Variants in SIL1 observed in about 807,000 individuals in gnomAD.
SIL1 encodes SIL1 nucleotide exchange factor.
SIL1 carries 40 observed loss-of-function variants against 49.1 expected under a neutral mutation model. That is an observed-to-expected ratio of 0.81 (90% CI 0.63 to 1.06). The LOEUF (loss-of-function observed/expected upper bound fraction) is 1.06, where lower values mean the gene tolerates loss of function less well. Ranked by LOEUF, SIL1 falls within the 50% of genes least tolerant of loss-of-function variation. The pLI, the probability that SIL1 is intolerant of heterozygous loss-of-function variation, is 0.00. For missense variants in SIL1, 500 were observed against 572.6 expected (o/e 0.87, Z 1.29); for synonymous variants, 253 against 250.8 (o/e 1.01, Z -0.08).
chr5:138,979,310 G>A (rs944946394), intron 7 of SIL1, among the ~76,000 whole-genome samples: 10 of 152,064 alleles, frequency 6.6e-5, no homozygotes, highest in Admixed American at 3.3e-4. Context: ...TGATCTGCCC[G>A]CCTTGGCCTC....
chr5:139,076,913 G>A (rs909911800), intron 3 of SIL1, among the ~76,000 whole-genome samples: 12 of 152,146 alleles, frequency 7.9e-5, no homozygotes, highest in African/African-American at 2.9e-4. Flanking sequence ...GGCGGATCAC[G>A]AGGTCAGGAG....
At chr5:138,982,125 A>G (rs1242176926) in intron 7 of SIL1, among the ~76,000 whole-genome samples, 2 of 152,180 alleles carry the variant, frequency 1.3e-5, no homozygotes, top group African/African-American at 4.8e-5. Context: ...AATATTCTTC[A>G]TGTCTTGGTC....
chr5:138,989,588 G>A (rs546831533), intron 7 of SIL1, among the ~76,000 whole-genome samples: 35 of 152,190 alleles, frequency 2.3e-4, no homozygotes, highest in African/African-American at 7.2e-4. Flanking sequence ...AGAGAGATAC[G>A]GAAGGAGGGA....
chr5:139,080,401 T>G (rs1770046982), intron 3 of SIL1, among the ~76,000 whole-genome samples: 1 of 152,214 alleles, frequency 6.6e-6, no homozygotes, highest in South Asian at 2.1e-4. Flanking sequence ...CTGTTCAGTC[T>G]CTGCCAAAAA....
intron 1 of SIL1, among the ~76,000 whole-genome samples, chr5:139,171,264 G>A (rs1751762419): frequency 6.6e-6 from 1 of 152,212 alleles, no homozygotes; most frequent in South Asian, 2.1e-4. Context: ...AGAAAGGGGG[G>A]AAAGGTGGGG....
At chr5:138,960,263 A>C (rs1237750329) in intron 7 of SIL1, among the ~76,000 whole-genome samples, 1 of 152,180 alleles carries the variant, frequency 6.6e-6, no homozygotes. Flanking sequence ...TCTTCACATG[A>C]GAACCAGAAT....
At chr5:139,009,440 T>C (rs1218920329) in intron 7 of SIL1, among the ~76,000 whole-genome samples, 1 of 142,546 alleles carries the variant, frequency 7.0e-6, no homozygotes, top group Non-Finnish European at 1.5e-5. Context: ...TGTCTTTTAA[T>C]TGGAGAATTT....
intron 1 of SIL1, among the ~76,000 whole-genome samples, chr5:139,191,587 T>C (rs1752172370): frequency 6.6e-6 from 1 of 150,650 alleles, no homozygotes; most frequent in African/African-American, 2.4e-5. Flanking sequence ...AAGATCAGCC[T>C]GGGCAATGTT....
At chr5:138,984,429 G>A (rs1767607180) in intron 7 of SIL1, among the ~76,000 whole-genome samples, 1 of 151,268 alleles carries the variant, frequency 6.6e-6, no homozygotes, top group South Asian at 2.1e-4. Context: ...GGTGATCTTG[G>A]CTCACTGCAA....
At chr5:139,035,642 CTTT>C (rs759319838) in intron 5 of SIL1, 2,419 of 158,304 alleles carry the variant, frequency 0.015, no homozygotes, top group Middle Eastern at 0.032. Flanking sequence ...AGGTATACAA[CTTT>C]TTTTTTTTTT....
At position 139,134,665 on chromosome 5, in the gene SIL1, G is replaced by A. The variant is rs143419861; in HGVS notation, c.-10-6812C>T. 5.7e-3 allele frequency among the ~76,000 whole-genome samples: 872 copies of A among 152,290 alleles called. 7 individuals carry two copies. Among genetic ancestry groups the A allele is most frequent in the African/African-American group, 0.02 (830 of 41,544 alleles). Reference sequence around the variant, plus strand: ...CTCCTGGCTGAAAATGGAGAAACCCGAGGCAGTTTTCTGCTGAGCCCCAAG... The same window carrying A: ...CTCCTGGCTGAAAATGGAGAAACCCAAGGCAGTTTTCTGCTGAGCCCCAAG... On this transcript the variant is annotated intron_variant, in intron 1 of 9. Coordinates refer to ENST00000394817, the MANE Select transcript of SIL1 (RefSeq NM_022464.5).
At chr5:139,092,074 C>T (rs777640622) in intron 3 of SIL1, among the ~76,000 whole-genome samples, 4 of 152,082 alleles carry the variant, frequency 2.6e-5, no homozygotes, top group Non-Finnish European at 5.9e-5. Context: ...GACCATCCAA[C>T]GGGAGTATGG....
intron 3 of SIL1, among the ~76,000 whole-genome samples, chr5:139,055,575 A>C (rs1769386377): frequency 6.7e-6 from 1 of 149,964 alleles, no homozygotes; most frequent in Non-Finnish European, 1.5e-5. Flanking sequence ...ATTGTCATGA[A>C]AAGAACATCA....
At chr5:139,027,822 T>C (rs181517429) in intron 5 of SIL1, among the ~76,000 whole-genome samples, 1 of 152,336 alleles carries the variant, frequency 6.6e-6, no homozygotes. Flanking sequence ...CAGATATTTA[T>C]AAAAAGCCGG....
chr5:139,144,203 A>G (rs1201897603), intron 1 of SIL1, among the ~76,000 whole-genome samples: 3 of 152,224 alleles, frequency 2.0e-5, no homozygotes, highest in Admixed American at 6.5e-5. Context: ...TCATGCCTGT[A>G]ATCCCAGCTA....
chr5:139,138,486 A>G (rs965703010), intron 1 of SIL1, among the ~76,000 whole-genome samples: 1 of 152,178 alleles, frequency 6.6e-6, no homozygotes, highest in African/African-American at 2.4e-5. Context: ...CCCATGTCTG[A>G]TAACAACCAA....
chr5:139,163,694 G>C (rs1336417210), intron 1 of SIL1, among the ~76,000 whole-genome samples: 1 of 152,106 alleles, frequency 6.6e-6, no homozygotes, highest in East Asian at 1.9e-4. Flanking sequence ...TAATTTATCA[G>C]TTATTAAATA....
At chr5:138,956,792 T>A (rs1580981222) in intron 7 of SIL1, among the ~76,000 whole-genome samples, 1 of 145,274 alleles carries the variant, frequency 6.9e-6, no homozygotes, top group African/African-American at 2.5e-5. Context: ...ATGGAATAGG[T>A]TTAACAACAA....
At chr5:139,121,356 G>A (rs1340543753) in intron 2 of SIL1, among the ~76,000 whole-genome samples, 183 bp from the exon 3 acceptor site, 3 of 152,176 alleles carry the variant, frequency 2.0e-5, no homozygotes, top group African/African-American at 7.2e-5. Context: ...GAGGTGATAT[G>A]GCTAAATGAA....
Sources: allele counts gnomAD v4.1 joint callset (sites outside exome capture counted in the v4.1 genomes callset), GRCh38; gene constraint gnomAD v4.1.1; transcripts MANE v1.5; gene names NCBI Gene and HGNC (gene_info 2026-07-23, HGNC 2026-07-21).